MYOF: variants seen among roughly 807,000 people sequenced by gnomAD.
MYOF encodes myoferlin.
MYOF carries 244 observed loss-of-function variants against 284.2 expected under a neutral mutation model. The observed-to-expected ratio is 0.86, with a 90% CI of 0.77 to 0.95. The LOEUF (loss-of-function observed/expected upper bound fraction) is 0.95. Among genes scored for constraint, MYOF ranks in the 40% least tolerant of loss-of-function variants. The pLI is 0.00. For missense variants in MYOF, 2,496 were observed against 2,560.6 expected, an observed-to-expected ratio of 0.97 and a Z score of 0.54; for synonymous variants, 904 against 919.7, an observed-to-expected ratio of 0.98 and a Z score of 0.31.
intron 3 of MYOF, among the ~76,000 whole-genome samples, chr10:93,434,443 A>AC (rs1204955288): frequency 1.9e-3 from 282 of 151,970 alleles, no homozygotes; most frequent in African/African-American, 6.6e-3. Flanking sequence ...AAAAAAAAAA[A>AC]AAAACAAAAA....
At chr10:93,430,673 T>C (rs1848803029) in intron 4 of MYOF, among the ~76,000 whole-genome samples, 1 of 151,610 alleles carries the variant, frequency 6.6e-6, no homozygotes, top group Non-Finnish European at 1.5e-5. Flanking sequence ...TTTCAAAGAA[T>C]ATCTGACACA....
chr10:93,340,096 A>G (rs1843826934), intron 39 of MYOF, 57 bp downstream of exon 39: 1 of 1,599,914 alleles, frequency 6.3e-7, no homozygotes, highest in Admixed American at 1.7e-5. Flanking sequence ...AGAAAAGAAA[A>G]ATTCTGGGCA....
chr10:93,328,469 C>T (rs1230534925), intron 45 of MYOF, among the ~76,000 whole-genome samples: 2 of 152,162 alleles, frequency 1.3e-5, no homozygotes, highest in Non-Finnish European at 2.9e-5. Flanking sequence ...ACTGTATGGG[C>T]ATTTTTTTAG....
At chr10:93,458,297 G>A (rs2056792957) in intron 1 of MYOF, among the ~76,000 whole-genome samples, 1 of 151,888 alleles carries the variant, frequency 6.6e-6, no homozygotes, top group African/African-American at 2.4e-5. Context: ...AGGCTGCAGT[G>A]AGCCAAGATC....
At chr10:93,437,743 C>A (rs543071756) in intron 3 of MYOF, among the ~76,000 whole-genome samples, 2 of 152,288 alleles carry the variant, frequency 1.3e-5, no homozygotes, top group East Asian at 1.9e-4. Flanking sequence ...CGTGCCTTGT[C>A]ATTTTGGCAG....
intron 32 of MYOF, 38 bp downstream of exon 32, chr10:93,353,773 T>C (rs911779776): frequency 1.4e-6 from 2 of 1,476,714 alleles, no homozygotes; most frequent in African/African-American, 1.4e-5. Context: ...TAGCATGCTA[T>C]GTAATCATGT....
intron 3 of MYOF, among the ~76,000 whole-genome samples, chr10:93,447,222 A>G (rs1321746383): frequency 6.6e-6 from 1 of 152,162 alleles, no homozygotes; most frequent in South Asian, 2.1e-4. Context: ...GTGATACTCT[A>G]CCTTGTTTTA....
chr10:93,344,012 C>T (rs573545399), intron 37 of MYOF, 80 bp from the exon 38 acceptor site: 1 of 1,476,420 alleles, frequency 6.8e-7, no homozygotes, highest in South Asian at 1.2e-5. Context: ...TCAAGTTTAA[C>T]AGCCATAGGG....
chr10:93,384,930 T>A (rs576311569), intron 19 of MYOF, among the ~76,000 whole-genome samples: 1 of 152,314 alleles, frequency 6.6e-6, no homozygotes, highest in South Asian at 2.1e-4. Context: ...GCATGCCACC[T>A]TCGGTATGTC....
intron 19 of MYOF, among the ~76,000 whole-genome samples, chr10:93,386,706 C>T (rs950276349): frequency 4.6e-5 from 7 of 152,184 alleles, no homozygotes; most frequent in South Asian, 2.1e-4. Context: ...CCTCCTGATA[C>T]GGCTGCCTTC....
intron 32 of MYOF, among the ~76,000 whole-genome samples, chr10:93,352,289 T>C (rs1408473091): frequency 6.6e-6 from 1 of 152,212 alleles, no homozygotes; most frequent in Non-Finnish European, 1.5e-5. Context: ...GTTGAGAGGA[T>C]GAAATGATAT....
chr10:93,351,751 CG>C lies in MYOF; in HGVS notation c.3576del (p.Phe1192LeufsTer36). 2 of 1,599,702 alleles carry C rather than the reference CG, an allele frequency of 1.3e-6. No individual in the cohort carries two copies. Among genetic ancestry groups the C allele is most frequent in the Non-Finnish European group, 1.7e-6 (2 of 1,176,662 alleles). On this transcript the variant is annotated frameshift_variant, in exon 33 of 54. Transcript: ENST00000359263. LOFTEE classifies it high-confidence loss of function. ...GGTTCCCCATAGATTTCAACTTCAT[CG>C]AATATAATTGTTTGGTCCCACGTGG... ...LNPTWDQTII[F>X]DEVEIYGEPQ...
At chr10:93,433,300 G>C (rs1388546801) in intron 3 of MYOF, among the ~76,000 whole-genome samples, 1 of 152,162 alleles carries the variant, frequency 6.6e-6, no homozygotes, top group Non-Finnish European at 1.5e-5. Flanking sequence ...TGGGATTACA[G>C]GCATGCGCCA....
rs187814862 is a variant in MYOF, at chr10:93,323,085, C to A, written c.5449G>T (p.Val1817Phe). The change falls in exon 48 of 54, where the codon GTC (valine) becomes TTC (phenylalanine). Residue 1817 changes from valine to phenylalanine, a missense_variant. Physicochemically the swap from Val to Phe is conservative, Grantham distance 50. Coordinates refer to ENST00000359263, the MANE Select transcript of MYOF (RefSeq NM_013451.4). Reference protein sequence around the residue: ...ITGEEMSDIYVKGWIPGNEEN... With the variant: ...ITGEEMSDIYFKGWIPGNEEN... ...CTCACATGCTAACCTTACCCTTTGA[C>A]GTAGATGTCACTCATTTCCTCTCCT... 1 of 1,613,600 alleles carries A rather than the reference C, an allele frequency of 6.2e-7. No homozygotes were observed. Among genetic ancestry groups the A allele is most frequent in the Admixed American group, 1.7e-5 (1 of 60,012 alleles).
At chr10:93,475,322 T>C (rs565626398) in intron 1 of MYOF, among the ~76,000 whole-genome samples, 5 of 152,236 alleles carry the variant, frequency 3.3e-5, no homozygotes, top group Non-Finnish European at 5.9e-5. Flanking sequence ...TGGCATTCTA[T>C]ATACTACGTT....
Position 93,471,076 on chromosome 10 carries a change from A to G in MYOF, c.88+11031T>C, listed in dbSNP as rs76427520. On this transcript the variant is annotated intron_variant, in intron 1 of 53. Transcript: ENST00000359263. ...AAAAGATGATGAAGGTCATAAACTA[A>G]CAAACGGAGGTGAAATGAAGTGGAC... Among the ~76,000 whole-genome samples, 486 of 152,340 alleles carry G rather than the reference A, an allele frequency of 3.2e-3. 3 individuals carry two copies. The highest frequency in any genetic ancestry group is 0.011 in the African/African-American group (460 of 41,584).
intron 49 of MYOF, among the ~76,000 whole-genome samples, chr10:93,318,205 G>C (rs1289209896): frequency 6.6e-6 from 1 of 152,118 alleles, no homozygotes. Context: ...AGAATGGCTT[G>C]ATCCTTGGAG....
At chr10:93,370,186 T>C (rs1345051619) in intron 24 of MYOF, among the ~76,000 whole-genome samples, 2 of 152,066 alleles carry the variant, frequency 1.3e-5, no homozygotes, top group Non-Finnish European at 2.9e-5. Flanking sequence ...GTAAAAGTAA[T>C]AGTAATAATA....
At chr10:93,364,145 C>T (rs1035934411) in intron 26 of MYOF, 70 bp from the exon 27 acceptor site, 3 of 1,325,988 alleles carry the variant, frequency 2.3e-6, no homozygotes, top group African/African-American at 2.9e-5. Context: ...ATTGCCAACA[C>T]TCAGGAAGCA....
Sources: gnomAD v4.1 joint callset for allele counts (sites outside exome capture counted in the v4.1 genomes callset) on GRCh38, gnomAD v4.1.1 for gene constraint, MANE v1.5 for transcripts, NCBI Gene and HGNC (gene_info 2026-07-23, HGNC 2026-07-21) for gene names.